AK8: variants seen among roughly 807,000 people sequenced by gnomAD.
The protein encoded by AK8 is ATP-AMP transphosphorylase 8.
A neutral mutation model predicts 54.6 loss-of-function variants in AK8; 44 were observed. The ratio of observed to expected loss-of-function variants is 0.81; its 90% CI spans 0.63 to 1.04. AK8 has a LOEUF of 1.04. Ranked by LOEUF, AK8 falls within the 50% of genes least tolerant of loss-of-function variation. The pLI, the probability that AK8 is intolerant of heterozygous loss-of-function variation, is 0.00. For synonymous variants in AK8, 239 were observed against 245.6 expected, an observed-to-expected ratio of 0.97 and a Z score of 0.25; for missense variants, 555 against 613.6, an observed-to-expected ratio of 0.90 and a Z score of 1.01.
chr9:132,780,370 TG>T (rs1198467205), intron 11 of AK8, among the ~76,000 whole-genome samples: 49 of 152,000 alleles, frequency 3.2e-4, no homozygotes, highest in Non-Finnish European at 1.3e-4. Context: ...TGCCTGGGGG[TG>T]GGTGTCTGCC....
At chr9:132,730,212 T>C (rs1393925174) in intron 11 of AK8, among the ~76,000 whole-genome samples, 1 of 152,156 alleles carries the variant, frequency 6.6e-6, no homozygotes, top group Non-Finnish European at 1.5e-5. Context: ...TCCTTGGAAT[T>C]CTCCAGATGT....
chr9:132,774,272 G>C (rs1839110813), intron 11 of AK8, among the ~76,000 whole-genome samples: 1 of 152,200 alleles, frequency 6.6e-6, no homozygotes, highest in African/African-American at 2.4e-5. Flanking sequence ...GGGGGGGTTG[G>C]GGGTGGTCTG....
At chr9:132,745,844 G>A (rs1837624590) in intron 11 of AK8, among the ~76,000 whole-genome samples, 1 of 152,084 alleles carries the variant, frequency 6.6e-6, no homozygotes, top group Non-Finnish European at 1.5e-5. Context: ...CTTTAAATGC[G>A]GTCTAAACTT....
At chr9:132,806,043 G>A (rs215161) in intron 10 of AK8, among the ~76,000 whole-genome samples, 42,715 of 151,556 alleles carry the variant, frequency 0.28, 6,177 homozygotes, top group East Asian at 0.49. Flanking sequence ...GGGAGGCAAC[G>A]CGAAGGAAAT....
At chr9:132,867,475 G>T (rs759084427) in intron 2 of AK8, among the ~76,000 whole-genome samples, 16 of 152,354 alleles carry the variant, frequency 1.1e-4, no homozygotes, top group Middle Eastern at 6.8e-3. Context: ...GCATTTCTAT[G>T]CAAATGGAAA....
intron 2 of AK8, among the ~76,000 whole-genome samples, chr9:132,868,576 T>G (rs1843689083): frequency 2.0e-5 from 3 of 152,164 alleles, no homozygotes; most frequent in African/African-American, 7.2e-5. Context: ...GATCAAGTGA[T>G]GGGCTGCCAC....
chr9:132,831,418 C>G (rs916356728), intron 5 of AK8, among the ~76,000 whole-genome samples: 19 of 152,130 alleles, frequency 1.2e-4, no homozygotes, highest in Non-Finnish European at 2.6e-4. Flanking sequence ...AAAGTCCTTT[C>G]AAGTCCCGTG....
At chr9:132,771,974 G>A (rs1564393461) in intron 11 of AK8, among the ~76,000 whole-genome samples, 2 of 152,142 alleles carry the variant, frequency 1.3e-5, no homozygotes, top group Non-Finnish European at 2.9e-5. Context: ...GAGAGAACTT[G>A]TGCAGGGGAA....
At chr9:132,828,833 A>G (rs1841988677) in intron 5 of AK8, 107 bp from the exon 6 acceptor site, 2 of 850,768 alleles carry the variant, frequency 2.4e-6, no homozygotes, top group South Asian at 2.9e-5. Context: ...AACTTTTAAG[A>G]CAAAAAAAAT....
chr9:132,838,471 G>A (rs150426948), intron 5 of AK8, among the ~76,000 whole-genome samples: 5 of 152,290 alleles, frequency 3.3e-5, no homozygotes, highest in African/African-American at 1.2e-4. Flanking sequence ...GGGGCTGGGG[G>A]CCTGACCTTG....
chr9:132,726,412 G>A (rs181287625), intron 12 of AK8, among the ~76,000 whole-genome samples: 33 of 151,962 alleles, frequency 2.2e-4, no homozygotes, highest in Admixed American at 5.9e-4. Context: ...CCTCCCAGGC[G>A]TGCACCATTA....
At chr9:132,734,598 T>G (rs1837009727) in intron 11 of AK8, among the ~76,000 whole-genome samples, 1 of 151,988 alleles carries the variant, frequency 6.6e-6, no homozygotes, top group Admixed American at 6.6e-5. Context: ...ATTAGCCCAG[T>G]GTGGTGGCGC....
chr9:132,813,669 C>T (rs1841183077), intron 10 of AK8, among the ~76,000 whole-genome samples: 1 of 152,220 alleles, frequency 6.6e-6, no homozygotes, highest in Non-Finnish European at 1.5e-5. Context: ...AGCCCAGCCG[C>T]CAACTGGCTG....
chr9:132,741,061 TCCC>T (rs892248365), intron 11 of AK8, among the ~76,000 whole-genome samples: 2 of 151,810 alleles, frequency 1.3e-5, no homozygotes, highest in African/African-American at 4.8e-5. Flanking sequence ...GAGTGCCTTT[TCCC>T]CCCATTTCCT....
chr9:132,830,794 C>T (rs528073964), intron 5 of AK8, among the ~76,000 whole-genome samples: 13 of 152,296 alleles, frequency 8.5e-5, no homozygotes, highest in South Asian at 2.1e-4. Flanking sequence ...CCAAATGAAT[C>T]GCTGCTTTCG....
At chr9:132,789,597 C>CAAAAAAAAAAAAAAAAAAAAAAA (rs578003731) in intron 11 of AK8, among the ~76,000 whole-genome samples, 15 of 57,524 alleles carry the variant, frequency 2.6e-4, no homozygotes, top group East Asian at 6.3e-4. Flanking sequence ...ACTCATCTCA[C>CAAAAAAAAAAAAAAAAAAAAAAA]AAAAAAAAAA....
rs142408300 is a variant in AK8 at position 132,743,724 on chromosome 9, G to A, written c.1122-16190C>T. 1.7e-3 allele frequency among the ~76,000 whole-genome samples: 253 copies of A among 152,144 alleles called. 3 individuals are homozygous for A. Among genetic ancestry groups the A allele is most frequent in the African/African-American group, 5.6e-3 (232 of 41,480 alleles). On this transcript the variant is annotated intron_variant, in intron 11 of 12. Coordinates refer to ENST00000298545, the MANE Select transcript of AK8 (RefSeq NM_152572.3). ...GTTTTATTGATATTTCCTACCTGCC[G>A]GGCACTGGTAGTAAGCACGTTACAT...
chr9:132,741,979 C>A (rs530858780), intron 11 of AK8, among the ~76,000 whole-genome samples: 1 of 152,286 alleles, frequency 6.6e-6, no homozygotes, highest in South Asian at 2.1e-4. Flanking sequence ...ATAGAAAGCA[C>A]TTAACACATA....
chr9:132,811,621 T>C (rs1476549077), intron 10 of AK8, among the ~76,000 whole-genome samples: 5 of 152,196 alleles, frequency 3.3e-5, no homozygotes, highest in African/African-American at 1.2e-4. Flanking sequence ...TGTTATGAAG[T>C]AACAGAAGAC....
Sources: gnomAD v4.1 joint callset for allele counts (sites outside exome capture counted in the v4.1 genomes callset) on GRCh38, gnomAD v4.1.1 for gene constraint, MANE v1.5 for transcripts, NCBI Gene and HGNC (gene_info 2026-07-23, HGNC 2026-07-21) for gene names.